Variants in SORCS2 observed in about 807,000 individuals in gnomAD.
SORCS2 encodes sortilin related VPS10 domain containing receptor 2, also known as VPS10 domain-containing receptor SorCS2.
SORCS2 carries 100 observed loss-of-function variants against 141.6 expected under a neutral mutation model. The ratio of observed to expected loss-of-function variants is 0.71; its 90% CI spans 0.60 to 0.83. The LOEUF (loss-of-function observed/expected upper bound fraction) is 0.83. Among genes scored for constraint, SORCS2 ranks in the 40% least tolerant of loss-of-function variants. The pLI, the probability that SORCS2 is intolerant of heterozygous loss-of-function variation, is 0.00. For synonymous variants in SORCS2, 789 were observed against 676.9 expected, an observed-to-expected ratio of 1.17 and a Z score of -2.57; for missense variants, 1,646 against 1,560.2, an observed-to-expected ratio of 1.05 and a Z score of -0.93.
intron 1 of SORCS2, among the ~76,000 whole-genome samples, chr4:7,271,611 C>G (rs559365889): frequency 2.6e-5 from 4 of 152,234 alleles, no homozygotes; most frequent in Non-Finnish European, 2.9e-5. Context: ...AAAATGCCAT[C>G]GACTTCATCA....
At chr4:7,402,982 A>AT (rs2109131094) in intron 2 of SORCS2, among the ~76,000 whole-genome samples, 1 of 151,788 alleles carries the variant, frequency 6.6e-6, no homozygotes, top group South Asian at 2.1e-4. Flanking sequence ...TAATTTTAAG[A>AT]TGTGCCCTCC....
At chr4:7,384,189 C>A (rs1723153171) in intron 1 of SORCS2, among the ~76,000 whole-genome samples, 1 of 152,130 alleles carries the variant, frequency 6.6e-6, no homozygotes, top group Admixed American at 6.5e-5. Context: ...TGCCATCCAG[C>A]CCTCCTTGCG....
At chr4:7,705,506 T>C (rs1328092914) in intron 14 of SORCS2, among the ~76,000 whole-genome samples, 2 of 152,252 alleles carry the variant, frequency 1.3e-5, no homozygotes, top group African/African-American at 4.8e-5. Flanking sequence ...ACCTGGACTT[T>C]GAACACCTTG....
chr4:7,734,003 G>A (rs1711934815), intron 24 of SORCS2, among the ~76,000 whole-genome samples: 1 of 151,896 alleles, frequency 6.6e-6, no homozygotes, highest in South Asian at 2.1e-4. Context: ...GCAGGGACAG[G>A]CAGGGGATAG....
chr4:7,685,930 G>C (rs1723846928), intron 10 of SORCS2, among the ~76,000 whole-genome samples: 1 of 152,142 alleles, frequency 6.6e-6, no homozygotes, highest in African/African-American at 2.4e-5. Context: ...ATACAGAAAG[G>C]TATAAAAAGG....
chr4:7,616,316 C>T (rs1718752612), intron 3 of SORCS2, among the ~76,000 whole-genome samples: 1 of 152,108 alleles, frequency 6.6e-6, no homozygotes, highest in African/African-American at 2.4e-5. Flanking sequence ...TCCATCCATC[C>T]ATCTGTCATC....
At position 7,412,268 on chromosome 4, in the gene SORCS2, C is replaced by T. The variant is rs902091366; in HGVS notation, c.548+15913C>T. Among the ~76,000 whole-genome samples, 3 of 152,324 alleles carry T rather than the reference C, an allele frequency of 2.0e-5. No individual in the cohort carries two copies. The South Asian group carries it at 6.2e-4, about 32-fold the overall frequency. On this transcript the variant is annotated intron_variant, in intron 2 of 26. Transcript: ENST00000507866. ...CTCACTCGGCCTTGCTCCTGCAGGC[C>T]GATGGCCACCCCCTGGAGTTAGTTC...
chr4:7,308,280 C>G (rs1467203068), intron 1 of SORCS2, among the ~76,000 whole-genome samples: 1 of 152,160 alleles, frequency 6.6e-6, no homozygotes, highest in Non-Finnish European at 1.5e-5. Context: ...TAGGAGCACC[C>G]CCACCACCGC....
intron 3 of SORCS2, among the ~76,000 whole-genome samples, chr4:7,614,163 A>ATCCACCTT (rs1718603466): frequency 6.7e-6 from 1 of 149,078 alleles, no homozygotes; most frequent in African/African-American, 2.5e-5. Context: ...CCATCCACCC[A>ATCCACCTT]TCCACCATCC....
Position 7,638,135 on chromosome 4 carries a change from C to T in SORCS2, c.649-193C>T, listed in dbSNP as rs567486276. Among the ~76,000 whole-genome samples, 10 of 150,230 alleles carry T rather than the reference C, an allele frequency of 6.7e-5. No homozygotes were observed. In the East Asian group the frequency reaches 1.2e-3, roughly 18 times the overall value. On this transcript the variant is annotated intron_variant, in intron 3 of 26. Coordinates refer to ENST00000507866, the MANE Select transcript of SORCS2 (RefSeq NM_020777.3). Reference sequence around the variant, plus strand: ...TAGGCTGAGCTGGCCGGGCTGGGGGCGGGCCCGCCATTTCTGGGCACTCCT... The same window carrying T: ...TAGGCTGAGCTGGCCGGGCTGGGGGTGGGCCCGCCATTTCTGGGCACTCCT...
chr4:7,418,711 C>CCG (rs1553859475), intron 2 of SORCS2, among the ~76,000 whole-genome samples: 2 of 119,560 alleles, frequency 1.7e-5, no homozygotes, highest in Admixed American at 1.7e-4. Flanking sequence ...GACCCCCCCC[C>CCG]CCACCAGATT....
rs149026673 is a variant in SORCS2 at position 7,571,779 on chromosome 4, G to A, written c.648+40150G>A. On this transcript the variant is annotated intron_variant, in intron 3 of 26. Transcript: ENST00000507866. ...CACCAAGCGACGTTGAATTATGGACGTCATTCAGTGTTAATCATGGTGATT... is the reference window on the plus strand; with the variant it reads ...CACCAAGCGACGTTGAATTATGGACATCATTCAGTGTTAATCATGGTGATT... Among the ~76,000 whole-genome samples, 150 of 152,292 alleles carry A rather than the reference G, an allele frequency of 9.8e-4. 1 individual carries two copies. The highest frequency in any genetic ancestry group is 3.0e-3 in the African/African-American group (126 of 41,556).
At chr4:7,705,116 C>T (rs1725340737) in intron 14 of SORCS2, among the ~76,000 whole-genome samples, 1 of 152,148 alleles carries the variant, frequency 6.6e-6, no homozygotes, top group African/African-American at 2.4e-5. Flanking sequence ...TAGGGCGGAC[C>T]CTGATCCAAT....
intron 11 of SORCS2, among the ~76,000 whole-genome samples, chr4:7,695,302 GA>G (rs1560489415): frequency 7.9e-5 from 5 of 62,906 alleles, no homozygotes; most frequent in East Asian, 6.0e-4. Flanking sequence ...TTGGATGGGT[GA>G]GTGAATGGGT....
chr4:7,338,692 T>C (rs1265346562), intron 1 of SORCS2, among the ~76,000 whole-genome samples: 1 of 152,248 alleles, frequency 6.6e-6, no homozygotes, highest in African/African-American at 2.4e-5. Context: ...AAAATGTTAA[T>C]GCTCTCATTT....
At chr4:7,464,052 C>T (rs1382648935) in intron 2 of SORCS2, among the ~76,000 whole-genome samples, 4 of 152,164 alleles carry the variant, frequency 2.6e-5, no homozygotes, top group Non-Finnish European at 2.9e-5. Context: ...AGTCAGGAAG[C>T]GTGTGTTGAG....
intron 1 of SORCS2, among the ~76,000 whole-genome samples, chr4:7,248,599 C>T (rs1394392119): frequency 6.6e-6 from 1 of 152,200 alleles, no homozygotes; most frequent in Non-Finnish European, 1.5e-5. Flanking sequence ...CCTGTCTTGT[C>T]TCATTCTCAG....
At chr4:7,597,694 G>A (rs550366682) in intron 3 of SORCS2, among the ~76,000 whole-genome samples, 1 of 149,216 alleles carries the variant, frequency 6.7e-6, no homozygotes, top group South Asian at 2.2e-4. Context: ...ACAATGGGAA[G>A]GAGGATATTG....
At chr4:7,319,050 A>G (rs1718739004) in intron 1 of SORCS2, among the ~76,000 whole-genome samples, 1 of 152,190 alleles carries the variant, frequency 6.6e-6, no homozygotes, top group East Asian at 1.9e-4. Context: ...TCCATGTTGT[A>G]GTGTGGGTCA....
Sources: gnomAD v4.1 joint callset for allele counts (sites outside exome capture counted in the v4.1 genomes callset) on GRCh38, gnomAD v4.1.1 for gene constraint, MANE v1.5 for transcripts, NCBI Gene and HGNC (gene_info 2026-07-23, HGNC 2026-07-21) for gene names.